The following IGF1R variants were observed in gnomAD, a reference collection of about 807,000 sequenced individuals.
IGF1R encodes the protein insulin-like growth factor 1 receptor.
A neutral mutation model predicts 144.6 loss-of-function variants in IGF1R; 44 were observed. That is an observed-to-expected ratio of 0.30 (90% CI 0.24 to 0.39). The LOEUF (loss-of-function observed/expected upper bound fraction) is 0.39. IGF1R is among the 10% of genes least tolerant of loss of function. The pLI, the probability that IGF1R is intolerant of heterozygous loss-of-function variation, is 1.00. For synonymous variants in IGF1R, 795 were observed against 722.8 expected, an observed-to-expected ratio of 1.10 and a Z score of -1.60; for missense variants, 1,355 against 1,833.7, an observed-to-expected ratio of 0.74 and a Z score of 4.77.
chr15:98,666,387 C>T (rs940629280), intron 1 of IGF1R, among the ~76,000 whole-genome samples: 2 of 151,652 alleles, frequency 1.3e-5, no homozygotes, highest in African/African-American at 2.4e-5. Flanking sequence ...GGGTATATGC[C>T]CAAAAAGAAG....
rs1596193616 is a variant in IGF1R at position 98,692,767 on chromosome 15, T to C, written c.95-14795T>C. Among the ~76,000 whole-genome samples the C allele has an allele frequency of 2.6e-5, 4 of 152,262 alleles. 1 individual carries two copies. Among genetic ancestry groups the C allele is most frequent in the Admixed American group, 2.6e-4 (4 of 15,304 alleles). ...GGTCATATGCCCCAGCATTTAAAAA[T>C]GGAGTTAGTGAGAGTCTGTTGTTTA... On this transcript the variant is annotated intron_variant, in intron 1 of 20. Coordinates refer to ENST00000650285, the MANE Select transcript of IGF1R (RefSeq NM_000875.5).
At chr15:98,914,952 C>T (rs901900787) in intron 8 of IGF1R, among the ~76,000 whole-genome samples, 2 of 152,156 alleles carry the variant, frequency 1.3e-5, no homozygotes, top group Non-Finnish European at 2.9e-5. Flanking sequence ...TAGTCATAAC[C>T]TTTTTCCAAA....
At chr15:98,912,952 T>C in intron 7 of IGF1R, 92 bp from the exon 8 acceptor site, 1 of 816,000 alleles carries the variant, frequency 1.2e-6, no homozygotes, top group Non-Finnish European at 2.2e-6. Flanking sequence ...CCTCCCATTA[T>C]AGAAAGTGTG....
intron 2 of IGF1R, among the ~76,000 whole-genome samples, chr15:98,827,852 A>T (rs1208246355): frequency 6.6e-6 from 1 of 152,178 alleles, no homozygotes; most frequent in Non-Finnish European, 1.5e-5. Flanking sequence ...AAGTGCTGGG[A>T]TTACAGGCAT....
intron 1 of IGF1R, among the ~76,000 whole-genome samples, chr15:98,661,596 C>G (rs567266153): frequency 6.6e-6 from 1 of 151,830 alleles, no homozygotes; most frequent in Non-Finnish European, 1.5e-5. Context: ...TGTCTTTGCT[C>G]TGCTCTTCTC....
chr15:98,816,021 GGGGA>G (rs1486262649), intron 2 of IGF1R, among the ~76,000 whole-genome samples: 1 of 152,164 alleles, frequency 6.6e-6, no homozygotes, highest in African/African-American at 2.4e-5. Context: ...CTCAAGCTGT[GGGGA>G]GGTCCCTTTC....
At chr15:98,669,915 C>T (rs567499101) in intron 1 of IGF1R, among the ~76,000 whole-genome samples, 8 of 152,270 alleles carry the variant, frequency 5.3e-5, no homozygotes, top group East Asian at 3.9e-4. Flanking sequence ...CACTTGGATT[C>T]GGCTACAGTG....
intron 2 of IGF1R, among the ~76,000 whole-genome samples, chr15:98,744,724 G>C (rs1156682011): frequency 6.6e-6 from 1 of 152,058 alleles, no homozygotes; most frequent in Non-Finnish European, 1.5e-5. Flanking sequence ...AGGAAGGACA[G>C]ATGGCCCCTT....
chr15:98,891,729 G>A lies in IGF1R; in HGVS notation c.953+92G>A, dbSNP rs756151051. ...TAGACTCTGTCGGTTGTTTCATCCGGGTGCAGCCCTCAGGAAGTTCACTGA... is the reference window on the plus strand; with the variant it reads ...TAGACTCTGTCGGTTGTTTCATCCGAGTGCAGCCCTCAGGAAGTTCACTGA... On this transcript the variant is annotated intron_variant, in intron 3 of 20. Coordinates refer to ENST00000650285, the MANE Select transcript of IGF1R (RefSeq NM_000875.5). The surrounding 1 kb of genome is among the most constrained non-coding windows in gnomAD (Gnocchi z 4.7). The A allele has an allele frequency of 1.2e-5, 15 of 1,299,574 alleles. No individual in the cohort carries two copies. Among genetic ancestry groups the A allele is most frequent in the Non-Finnish European group, 1.6e-5 (15 of 927,634 alleles). 80.5% of individuals were successfully genotyped at this position (1,299,574 alleles called of 1,614,324 possible). A position where few individuals can be genotyped will look rare whatever the true frequency, so the allele number is the denominator to read the frequency against.
At chr15:98,896,986 G>A (rs1365251667) in intron 4 of IGF1R, 81 bp downstream of exon 4, 3 of 1,368,210 alleles carry the variant, frequency 2.2e-6, no homozygotes, top group Non-Finnish European at 3.1e-6. Context: ...CCGTCCCTGA[G>A]TCACCACTAA....
At chr15:98,924,972 T>C (rs2015652862) in intron 13 of IGF1R, among the ~76,000 whole-genome samples, 1 of 151,522 alleles carries the variant, frequency 6.6e-6, no homozygotes, top group African/African-American at 2.4e-5. Flanking sequence ...ACAGTTGCTT[T>C]CAACCTGGCT....
intron 2 of IGF1R, among the ~76,000 whole-genome samples, chr15:98,868,359 G>GGT (rs1555454791): frequency 1.3e-5 from 1 of 78,232 alleles, no homozygotes; most frequent in Non-Finnish European, 2.6e-5. Context: ...AATCTGTTGG[G>GGT]TTTTTTTTTT....
intron 1 of IGF1R, among the ~76,000 whole-genome samples, chr15:98,681,032 C>G (rs1035911855): frequency 3.3e-5 from 5 of 152,168 alleles, no homozygotes; most frequent in African/African-American, 1.2e-4. Context: ...ATAGGCTATA[C>G]TGTATAGCCT....
intron 2 of IGF1R, among the ~76,000 whole-genome samples, chr15:98,786,639 C>G (rs2056004461): frequency 6.6e-6 from 1 of 152,128 alleles, no homozygotes; most frequent in East Asian, 1.9e-4. Context: ...AGTGAAAAAC[C>G]ACTGTCTTTT....
intron 2 of IGF1R, among the ~76,000 whole-genome samples, chr15:98,868,511 T>A (rs1479883605): frequency 6.6e-6 from 1 of 152,020 alleles, no homozygotes. Flanking sequence ...GGGGAAATAA[T>A]GCTGATTTCT....
intron 2 of IGF1R, among the ~76,000 whole-genome samples, chr15:98,780,394 T>G (rs1473383295): frequency 6.6e-6 from 1 of 151,422 alleles, no homozygotes; most frequent in Non-Finnish European, 1.5e-5. Flanking sequence ...CTACTAAAAA[T>G]ACAAAATTAG....
At chr15:98,875,894 G>C (rs1040577653) in intron 2 of IGF1R, among the ~76,000 whole-genome samples, 2 of 152,234 alleles carry the variant, frequency 1.3e-5, no homozygotes, top group Admixed American at 1.3e-4. Context: ...TGGATGACAG[G>C]CCTCATACGC....
At chr15:98,690,510 T>A (rs1209345344) in intron 1 of IGF1R, among the ~76,000 whole-genome samples, 1 of 152,258 alleles carries the variant, frequency 6.6e-6, no homozygotes, top group African/African-American at 2.4e-5. Flanking sequence ...TTCTTAGCCA[T>A]CGTTTAAACA....
rs1439217863 is a variant in IGF1R at position 98,878,685 on chromosome 15, A to AC, written c.641-12640_641-12639insC. On this transcript the variant is annotated intron_variant, in intron 2 of 20. Transcript: ENST00000650285. ...ACTCAAAAAAAAAAAAAAAAAAAAA[A>AC]AAAAAAAAAACAACAACAAAAAAAA... Among the ~76,000 whole-genome samples, 137 of 128,780 alleles carry AC rather than the reference A, an allele frequency of 1.1e-3. 5 individuals are homozygous for AC. Among genetic ancestry groups the AC allele is most frequent in the East Asian group, 9.0e-3 (35 of 3,872 alleles). The allele number at this position is 128,780 out of a possible 152,430, so 84.5% of individuals were successfully genotyped here. A position where few individuals can be genotyped will look rare whatever the true frequency, so the allele number is the denominator to read the frequency against.
Sources: allele counts gnomAD v4.1 joint callset (sites outside exome capture counted in the v4.1 genomes callset), GRCh38; gene constraint gnomAD v4.1.1; non-coding constraint Gnocchi (gnomAD v3.1); transcripts MANE v1.5; gene names NCBI Gene and HGNC (gene_info 2026-07-23, HGNC 2026-07-21).